EID3: variants seen among roughly 807,000 people sequenced by gnomAD.
EID3 encodes EP300-interacting inhibitor of differentiation 3.
EID3 carries 3 observed loss-of-function variants against 1.6 expected under a neutral mutation model. The observed-to-expected ratio is 1.87, with a 90% confidence interval of 0.85 to 4.83. The LOEUF (loss-of-function observed/expected upper bound fraction) is 4.83, where lower values mean the gene tolerates loss of function less well. EID3 is among the 30% of genes most tolerant of loss of function. The pLI is 0.02. For missense variants in EID3, 471 were observed against 409.9 expected, an observed-to-expected ratio of 1.15 and a Z score of -1.29; for synonymous variants, 164 against 148.1, an observed-to-expected ratio of 1.11 and a Z score of -0.78.
chr12:104,304,685 TC>T lies in EID3; in HGVS notation c.752del (p.Ser251PhefsTer16). On this transcript the variant is annotated frameshift_variant, in exon 1 of 1. Coordinates refer to ENST00000527879, the MANE Select transcript of EID3 (RefSeq NM_001008394.3). LOFTEE classifies it low-confidence loss of function (END_TRUNC). ...SYFEFVIDPN[S>X]FSRTVENIFY... ...TTTTGAGTTTGTGATTGATCCAAAC[TC>T]TTTTTCTCGTACTGTGGAGAATATA... The T allele has an allele frequency of 6.2e-7, 1 of 1,614,026 alleles. No individual in the cohort carries two copies. The highest frequency in any genetic ancestry group is 1.1e-5 in the South Asian group (1 of 91,082).
Position 104,305,095 on chromosome 12 carries a change from T to C in EID3, c.*159T>C, listed in dbSNP as rs2034842992. Reference sequence around the variant, plus strand: ...TGTGCAGCATATTTTTCTTAGTAATTTATAAGGTCATGATCTTCTGTTATT... The same window carrying C: ...TGTGCAGCATATTTTTCTTAGTAATCTATAAGGTCATGATCTTCTGTTATT... On this transcript the variant is annotated 3_prime_UTR_variant, in exon 1 of 1. Coordinates refer to ENST00000527879, the MANE Select transcript of EID3 (RefSeq NM_001008394.3). The C allele has an allele frequency of 1.3e-6, 1 of 757,792 alleles. No homozygotes were observed. The highest frequency in any genetic ancestry group is 1.8e-5 in the African/African-American group (1 of 55,360). The allele number at this position is 757,792 out of a possible 1,614,324, so 46.9% of individuals were successfully genotyped here. A position where few individuals can be genotyped will look rare whatever the true frequency, so the allele number is the denominator to read the frequency against.
rs894096442 is a variant in EID3, at chr12:104,305,140, A to G, written c.*204A>G. ...GTTATTAAAACAAATTCACTGGCATATTTATGGGAACGTTTTATTGAATGC... is the reference window on the plus strand; with the variant it reads ...GTTATTAAAACAAATTCACTGGCATGTTTATGGGAACGTTTTATTGAATGC... On this transcript the variant is annotated 3_prime_UTR_variant, in exon 1 of 1. Coordinates refer to ENST00000527879, the MANE Select transcript of EID3 (RefSeq NM_001008394.3). 1 of 504,948 alleles carries G rather than the reference A, an allele frequency of 2.0e-6. No individual in the cohort carries two copies. The highest frequency in any genetic ancestry group is 2.0e-5 in the African/African-American group (1 of 50,072). 31.3% of individuals were successfully genotyped at this position (504,948 alleles called of 1,614,324 possible).
In EID3 at chr12:104,303,926, G is replaced by A; in HGVS notation, c.-9G>A. The A allele has an allele frequency of 6.3e-7, 1 of 1,577,984 alleles. No homozygotes were observed. Among genetic ancestry groups the A allele is most frequent in the Non-Finnish European group, 8.6e-7 (1 of 1,166,638 alleles). On this transcript the variant is annotated 5_prime_UTR_variant, in exon 1 of 1. Transcript: ENST00000527879. ...CGCGGCGAAGTAGGCGGCGGCGGAG[G>A]GAGCGCTGATGAAGATGGATGTGTC...
At position 104,303,904 on chromosome 12, in the gene EID3, G is replaced by A; in HGVS notation, c.-31G>A. ...TGATCATCCCCGGTAGCGAGTACGCGGCGAAGTAGGCGGCGGCGGAGGGAG... is the reference window on the plus strand; with the variant it reads ...TGATCATCCCCGGTAGCGAGTACGCAGCGAAGTAGGCGGCGGCGGAGGGAG... On this transcript the variant is annotated 5_prime_UTR_variant, in exon 1 of 1. Coordinates refer to ENST00000527879, the MANE Select transcript of EID3 (RefSeq NM_001008394.3). 1 of 1,552,348 alleles carries A rather than the reference G, an allele frequency of 6.4e-7. No homozygotes were observed. The highest frequency in any genetic ancestry group is 8.7e-7 in the Non-Finnish European group (1 of 1,155,466).
chr12:104,304,538 C>A lies in EID3; in HGVS notation c.604C>A (p.Pro202Thr). ...VRKMEENGNM[P>T]TKLQKLDLSS... is the part of the protein sequence containing the mutation. ...CAAGATGGAAGAAAATGGCAACATG[C>A]CTACAAAGTTGCAGAAGTTGGACCT... Residue 202 changes from proline to threonine, a missense_variant, in exon 1 of 1, where the codon CCT (proline) becomes ACT (threonine). By Grantham distance (38) the Pro-to-Thr change is conservative. Transcript: ENST00000527879. 6.2e-7 allele frequency: 1 copy of A among 1,613,974 alleles called. No individual in the cohort carries two copies. Among genetic ancestry groups the A allele is most frequent in the Non-Finnish European group, 8.5e-7 (1 of 1,179,886 alleles).
rs924548969 is a variant in EID3, at chr12:104,305,110, C to A, written c.*174C>A. 185 of 632,426 alleles carry A rather than the reference C, an allele frequency of 2.9e-4. No homozygotes were observed. Among genetic ancestry groups the A allele is most frequent in the Non-Finnish European group, 4.1e-4 (167 of 407,028 alleles). 39.2% of individuals were successfully genotyped at this position (632,426 alleles called of 1,614,324 possible). A position where few individuals can be genotyped will look rare whatever the true frequency, so the allele number is the denominator to read the frequency against. ...TCTTAGTAATTTATAAGGTCATGAT[C>A]TTCTGTTATTAAAACAAATTCACTG... On this transcript the variant is annotated 3_prime_UTR_variant, in exon 1 of 1. Transcript: ENST00000527879.
In EID3 at chr12:104,305,122, A is replaced by T. The variant is rs1402051753; in HGVS notation, c.*186A>T. The T allele has an allele frequency of 5.3e-6, 3 of 567,690 alleles. No individual in the cohort carries two copies. Among genetic ancestry groups the T allele is most frequent in the Non-Finnish European group, 8.5e-6 (3 of 353,404 alleles). 35.2% of individuals were successfully genotyped at this position (567,690 alleles called of 1,614,324 possible). On this transcript the variant is annotated 3_prime_UTR_variant, in exon 1 of 1. Coordinates refer to ENST00000527879, the MANE Select transcript of EID3 (RefSeq NM_001008394.3). ...ATAAGGTCATGATCTTCTGTTATTA[A>T]AACAAATTCACTGGCATATTTATGG...
At position 104,305,188 on chromosome 12, in the gene EID3, C is replaced by G. The variant is rs74467164; in HGVS notation, c.*252C>G. The G allele has an allele frequency of 8.5e-3, 2,759 of 326,282 alleles. 18 individuals are homozygous for G. The highest frequency in any genetic ancestry group is 0.012 in the Non-Finnish European group (2,155 of 175,148). 20.2% of individuals were successfully genotyped at this position (326,282 alleles called of 1,614,324 possible). On this transcript the variant is annotated 3_prime_UTR_variant, in exon 1 of 1. Transcript: ENST00000527879. ...TGCCCTTTAAGACTATTAATAAAAA[C>G]AAGTTTTGGATACCAAATTAAGGGA... is the stretch of plus-strand genomic sequence containing the variant.
In EID3 at chr12:104,304,508, G is replaced by A; in HGVS notation, c.574G>A (p.Val192Ile). ...PKPRLEHQKKVRKMEENGNMP... is the reference protein window; with the variant it reads ...PKPRLEHQKKIRKMEENGNMP... ...GCCCCGACTTGAACACCAGAAAAAA[G>A]TTCGCAAGATGGAAGAAAATGGCAA... is the stretch of plus-strand genomic sequence containing the variant. The change falls in exon 1 of 1, where the codon GTT (valine) becomes ATT (isoleucine). Residue 192 changes from valine to isoleucine, a missense_variant. Transcript: ENST00000527879. 1 of 1,614,004 alleles carries A rather than the reference G, an allele frequency of 6.2e-7. No homozygotes were observed. The highest frequency in any genetic ancestry group is 1.1e-5 in the South Asian group (1 of 91,080).
At position 104,304,690 on chromosome 12, in the gene EID3, T is replaced by G. The variant is rs553038165; in HGVS notation, c.756T>G (p.Phe252Leu). 8 of 1,614,030 alleles carry G rather than the reference T, an allele frequency of 5.0e-6. No individual in the cohort carries two copies. The South Asian group carries it at 8.8e-5, about 18-fold the overall frequency. ...AGTTTGTGATTGATCCAAACTCTTT[T>G]TCTCGTACTGTGGAGAATATATTTT... ...YFEFVIDPNS[F>L]SRTVENIFYV... The change falls in exon 1 of 1, where the codon TTT (phenylalanine) becomes TTG (leucine). Residue 252 changes from phenylalanine to leucine, a missense_variant. Phe to Leu is a conservative substitution (Grantham distance 22). Coordinates refer to ENST00000527879, the MANE Select transcript of EID3 (RefSeq NM_001008394.3).
chr12:104,304,593 A>G lies in EID3; in HGVS notation c.659A>G (p.Asn220Ser). The G allele has an allele frequency of 6.2e-7, 1 of 1,614,044 alleles. No homozygotes were observed. Among genetic ancestry groups the G allele is most frequent in the Non-Finnish European group, 8.5e-7 (1 of 1,179,868 alleles). The change falls in exon 1 of 1, where the codon AAC becomes AGC. Residue 220 changes from asparagine to serine, a missense_variant. Transcript: ENST00000527879. ...LSSYPEATEKNVERILGLLQT... is the reference protein window; with the variant it reads ...LSSYPEATEKSVERILGLLQT... ...AGTTATCCAGAAGCGACAGAAAAAA[A>G]CGTAGAAAGGATTTTGGGATTGTTG...
rs923656331 is a variant in EID3, at chr12:104,305,121, A to G, written c.*185A>G. 2 of 573,850 alleles carry G rather than the reference A, an allele frequency of 3.5e-6. No individual in the cohort carries two copies. The highest frequency in any genetic ancestry group is 4.9e-5 in the South Asian group (1 of 20,512). The allele number at this position is 573,850 out of a possible 1,614,324, so 35.5% of individuals were successfully genotyped here. On this transcript the variant is annotated 3_prime_UTR_variant, in exon 1 of 1. Transcript: ENST00000527879. ...TATAAGGTCATGATCTTCTGTTATT[A>G]AAACAAATTCACTGGCATATTTATG... is the stretch of plus-strand genomic sequence containing the variant.
Position 104,303,899 on chromosome 12 carries a change from T to C in EID3, c.-36T>C. 1 of 1,544,440 alleles carries C rather than the reference T, an allele frequency of 6.5e-7. No individual in the cohort carries two copies. Among genetic ancestry groups the C allele is most frequent in the Non-Finnish European group, 8.7e-7 (1 of 1,152,128 alleles). On this transcript the variant is annotated 5_prime_UTR_variant, in exon 1 of 1. Coordinates refer to ENST00000527879, the MANE Select transcript of EID3 (RefSeq NM_001008394.3). ...GCTCGTGATCATCCCCGGTAGCGAG[T>C]ACGCGGCGAAGTAGGCGGCGGCGGA... is the stretch of plus-strand genomic sequence containing the variant.
In EID3 at chr12:104,304,637, T is replaced by A; in HGVS notation, c.703T>A (p.Tyr235Asn). ...LGLLQTYFRK[Y>N]PDTPVSYFEF... ...ATTGTTGCAAACCTACTTTCGAAAG[T>A]ATCCTGATACTCCTGTGTCCTATTT... The change falls in exon 1 of 1, where the codon TAT becomes AAT. Residue 235 changes from tyrosine to asparagine, a missense_variant. Physicochemically the swap from Tyr to Asn is moderately radical, Grantham distance 143 (BLOSUM62 -2). Transcript: ENST00000527879. 6.2e-7 allele frequency: 1 copy of A among 1,613,940 alleles called. No homozygotes were observed. Among genetic ancestry groups the A allele is most frequent in the Middle Eastern group, 1.6e-4 (1 of 6,062 alleles).
rs200644729 is a variant in EID3 at position 104,303,987 on chromosome 12, C to T, written c.53C>T (p.Ser18Phe). ...RAAGCSDDLS[S>F]GEADVDPKLL... The stretch of plus-strand genomic sequence containing the variant: ...GCGGGCTGCTCCGACGACCTCAGCT[C>T]TGGGGAGGCCGACGTAGACCCAAAG... The change falls in exon 1 of 1, where the codon TCT becomes TTT. Residue 18 changes from serine to phenylalanine, a missense_variant. By Grantham distance (155) the Ser-to-Phe change is radical (BLOSUM62 -2). Transcript: ENST00000527879. The T allele has an allele frequency of 1.7e-4, 267 of 1,608,514 alleles. No homozygotes were observed. The African/African-American group carries it at 3.4e-3, about 21-fold the overall frequency.
chr12:104,304,255 A>G lies in EID3; in HGVS notation c.321A>G (p.Leu107=), dbSNP rs749663608. 3 of 1,614,076 alleles carry G rather than the reference A, an allele frequency of 1.9e-6. No individual in the cohort carries two copies. The highest frequency in any genetic ancestry group is 1.7e-6 in the Non-Finnish European group (2 of 1,179,900). ...TGGGTAAAGAAAAGGCAAAGCAGTT[A>G]AACTCAGATATGAACTTCTTTAATC... ...SDLGKEKAKQ[L]NSDMNFFNQL... Residue 107 remains leucine, a synonymous_variant, in exon 1 of 1, where the codon TTA becomes TTG. Coordinates refer to ENST00000527879, the MANE Select transcript of EID3 (RefSeq NM_001008394.3).
In EID3 at chr12:104,304,193, GC is replaced by G; in HGVS notation, c.262del (p.Leu88SerfsTer20). 6.2e-7 allele frequency: 1 copy of G among 1,614,072 alleles called. No individual in the cohort carries two copies. The highest frequency in any genetic ancestry group is 1.3e-5 in the African/African-American group (1 of 75,070). ...FDGVSRTREA[A>X]LDARFLVMAS... ...TGGCGTGAGCCGAACCAGAGAAGCA[GC>G]CCTCGACGCCCGGTTTCTTGTTATG... On this transcript the variant is annotated frameshift_variant, in exon 1 of 1. Coordinates refer to ENST00000527879, the MANE Select transcript of EID3 (RefSeq NM_001008394.3). LOFTEE classifies it low-confidence loss of function (END_TRUNC).
chr12:104,304,850 G>T lies in EID3; in HGVS notation c.916G>T (p.Val306Phe). Residue 306 changes from valine to phenylalanine, a missense_variant, in exon 1 of 1, where the codon GTT (valine) becomes TTT (phenylalanine). By Grantham distance (50) the Val-to-Phe change is conservative (BLOSUM62 -1). Coordinates refer to ENST00000527879, the MANE Select transcript of EID3 (RefSeq NM_001008394.3). ...CAGTTGCCATGGCAGGAAACAGGGA[G>T]TTATATCTTTGACTTTACAGGAGTG... is the stretch of plus-strand genomic sequence containing the variant. ...DSSCHGRKQG[V>F]ISLTLQEWKN... is the part of the protein sequence containing the mutation. 1 of 1,613,966 alleles carries T rather than the reference G, an allele frequency of 6.2e-7. No homozygotes were observed. The highest frequency in any genetic ancestry group is 1.1e-5 in the South Asian group (1 of 91,068).
At position 104,304,078 on chromosome 12, in the gene EID3, G is replaced by A. The variant is rs1321246669; in HGVS notation, c.144G>A (p.Met48Ile). The A allele has an allele frequency of 1.2e-6, 2 of 1,613,874 alleles. No individual in the cohort carries two copies. The highest frequency in any genetic ancestry group is 1.7e-5 in the Admixed American group (1 of 60,014). The change falls in exon 1 of 1, where the codon ATG becomes ATA. Residue 48 changes from methionine (M) to isoleucine (I), a missense_variant. Physicochemically the swap from Met to Ile is conservative, Grantham distance 10. Coordinates refer to ENST00000527879, the MANE Select transcript of EID3 (RefSeq NM_001008394.3). ...RSIRRQYRQL[M>I]YCVRQNREDI... ...TCCGCAGGCAGTACCGGCAGCTCAT[G>A]TACTGCGTGCGGCAGAACCGGGAGG...
Sources: gnomAD v4.1 joint callset for allele counts on GRCh38, gnomAD v4.1.1 for gene constraint, MANE v1.5 for transcripts, NCBI Gene and HGNC (gene_info 2026-07-23, HGNC 2026-07-21) for gene names.